ADGRV1: variants seen among roughly 807,000 people sequenced by gnomAD.
ADGRV1 encodes adhesion G protein-coupled receptor V1.
Under a neutral mutation model 596.2 loss-of-function variants are expected in ADGRV1, and 359 were observed. The ratio of observed to expected loss-of-function variants is 0.60; its 90% CI spans 0.55 to 0.66. The LOEUF is 0.66. Ranked by LOEUF, ADGRV1 falls within the 30% of genes least tolerant of loss-of-function variation. The pLI is 0.00. For missense variants in ADGRV1, 7,274 were observed against 7,575.6 expected (o/e 0.96, Z 1.48); for synonymous variants, 2,681 against 2,679.2 (o/e 1.00, Z -0.02).
chr5:90,835,621 C>T (rs923284929), intron 77 of ADGRV1, among the ~76,000 whole-genome samples: 1 of 152,076 alleles, frequency 6.6e-6, no homozygotes, highest in Non-Finnish European at 1.5e-5. Context: ...AGAAAAGTAC[C>T]TTATCTTTAG....
At chr5:90,637,686 A>C (rs562236692) in intron 10 of ADGRV1, 39 bp from the exon 11 acceptor site, 62 of 1,398,240 alleles carry the variant, frequency 4.4e-5, no homozygotes, top group Non-Finnish European at 5.6e-5. Flanking sequence ...CTGAACATAT[A>C]TTTTAGAAGA....
chr5:90,919,776 C>T (rs1189511644), intron 83 of ADGRV1, among the ~76,000 whole-genome samples: 3 of 151,994 alleles, frequency 2.0e-5, no homozygotes, highest in Admixed American at 6.6e-5. Flanking sequence ...GGGCGGATCA[C>T]CTGAGGTCAG....
chr5:91,072,376 G>A (rs1302437640), intron 85 of ADGRV1, 71 bp from the exon 86 acceptor site: 2 of 1,298,500 alleles, frequency 1.5e-6, no homozygotes, highest in Non-Finnish European at 1.1e-6. Flanking sequence ...AAGTAGTGAT[G>A]TGATACATTC....
chr5:90,883,628 C>T (rs1581413519), intron 83 of ADGRV1, among the ~76,000 whole-genome samples: 1 of 152,142 alleles, frequency 6.6e-6, no homozygotes, highest in Non-Finnish European at 1.5e-5. Context: ...GACTATTCCT[C>T]CTTCTAACTG....
rs1758561764 is a variant in ADGRV1 at position 90,778,977 on chromosome 5, A to T, written c.12962A>T (p.Glu4321Val). ...AGLDFVPAAG[E>V]LLFEAGEMRK... ...TTGGATTTTGTTCCTGCAGCAGGGG[A>T]GCTCCTCTTTGAAGCAGGGGAGATG... Residue 4321 changes from glutamate to valine, a missense_variant, in exon 64 of 90, where the codon GAG becomes GTG. By Grantham distance (121) the Glu-to-Val change is moderately radical (BLOSUM62 -2). Coordinates refer to ENST00000405460, the MANE Select transcript of ADGRV1 (RefSeq NM_032119.4). The T allele has an allele frequency of 6.2e-7, 1 of 1,613,328 alleles. No homozygotes were observed. Among genetic ancestry groups the T allele is most frequent in the Non-Finnish European group, 8.5e-7 (1 of 1,179,546 alleles).
At chr5:90,821,363 G>A (rs1410289904) in intron 75 of ADGRV1, among the ~76,000 whole-genome samples, 4 of 151,062 alleles carry the variant, frequency 2.6e-5, no homozygotes, top group Middle Eastern at 3.5e-3. Context: ...TGGTTTGAAT[G>A]TCCTCCCGTA....
chr5:90,729,870 ATTTT>A, intron 50 of ADGRV1, 106 bp downstream of exon 50: 2 of 933,658 alleles, frequency 2.1e-6, no homozygotes, highest in Admixed American at 2.8e-5. Flanking sequence ...GACACTGGGT[ATTTT>A]TTTTTTTTTG....
chr5:90,780,531 CTTTG>C (rs1401479709), intron 64 of ADGRV1, among the ~76,000 whole-genome samples: 1 of 152,002 alleles, frequency 6.6e-6, no homozygotes, highest in Non-Finnish European at 1.5e-5. Flanking sequence ...GAAGTTGAAG[CTTTG>C]TTTGATGGGA....
intron 86 of ADGRV1, among the ~76,000 whole-genome samples, chr5:91,073,773 C>T (rs1032882779): frequency 6.6e-6 from 1 of 152,186 alleles, no homozygotes; most frequent in Non-Finnish European, 1.5e-5. Flanking sequence ...TCTTGGCTCA[C>T]GGCAGCCTCT....
chr5:91,073,678 A>G (rs1234100429), intron 86 of ADGRV1, among the ~76,000 whole-genome samples: 1 of 152,166 alleles, frequency 6.6e-6, no homozygotes, highest in Non-Finnish European at 1.5e-5. Flanking sequence ...CTCATTTAGC[A>G]TGCAATCATT....
chr5:91,111,467 C>T (rs1792364722), intron 87 of ADGRV1, among the ~76,000 whole-genome samples: 1 of 152,180 alleles, frequency 6.6e-6, no homozygotes, highest in Admixed American at 6.6e-5. Context: ...AATCCCCCTT[C>T]AATTCCCACT....
intron 83 of ADGRV1, among the ~76,000 whole-genome samples, chr5:90,885,840 G>A (rs933615596): frequency 2.0e-5 from 3 of 151,900 alleles, no homozygotes; most frequent in Non-Finnish European, 2.9e-5. Context: ...CGGGTCTTGA[G>A]GCTACTGCAT....
chr5:91,036,419 G>A lies in ADGRV1; in HGVS notation c.18153-36028G>A, dbSNP rs553633405. 4.5e-4 allele frequency among the ~76,000 whole-genome samples: 69 copies of A among 152,144 alleles called. No homozygotes were observed. In the South Asian group the frequency reaches 8.7e-3, roughly 19 times the overall value. On this transcript the variant is annotated intron_variant, in intron 85 of 89. Coordinates refer to ENST00000405460, the MANE Select transcript of ADGRV1 (RefSeq NM_032119.4). ...CTAAAAATACAAAAAAAAATTAGCC[G>A]GGCGTGGTGGCGGGCACCTGTAGTC... is the stretch of plus-strand genomic sequence containing the variant.
chr5:90,569,354 GATATATATATATAT>G (rs1185532852), intron 1 of ADGRV1, among the ~76,000 whole-genome samples: 363 of 12,774 alleles, frequency 0.028, 28 homozygotes, highest in Middle Eastern at 0.083. Flanking sequence ...CTGTTTGCAT[GATATATATATATAT>G]ATATATATAT....
At chr5:90,713,949 C>T (rs1251670675) in intron 42 of ADGRV1, among the ~76,000 whole-genome samples, 1 of 152,100 alleles carries the variant, frequency 6.6e-6, no homozygotes, top group Non-Finnish European at 1.5e-5. Flanking sequence ...AAACCATGCC[C>T]CATTGATTGA....
chr5:90,748,534 G>T (rs1754882245), intron 52 of ADGRV1, among the ~76,000 whole-genome samples: 1 of 152,068 alleles, frequency 6.6e-6, no homozygotes, highest in Non-Finnish European at 1.5e-5. Flanking sequence ...ATTTCAACTG[G>T]TCAATAGCCA....
chr5:91,076,664 T>C (rs185776098), intron 86 of ADGRV1, among the ~76,000 whole-genome samples: 5 of 152,182 alleles, frequency 3.3e-5, no homozygotes, highest in South Asian at 2.1e-4. Context: ...TCAAAAGTTA[T>C]TATTATTAGG....
intron 59 of ADGRV1, among the ~76,000 whole-genome samples, chr5:90,764,803 A>G (rs1374423640): frequency 6.6e-6 from 1 of 152,172 alleles, no homozygotes; most frequent in Non-Finnish European, 1.5e-5. Flanking sequence ...CAGTGGCACT[A>G]TGGGTACACA....
intron 87 of ADGRV1, among the ~76,000 whole-genome samples, chr5:91,125,263 G>A (rs1269592404): frequency 1.3e-5 from 2 of 152,214 alleles, no homozygotes; most frequent in Non-Finnish European, 2.9e-5. Context: ...TTTAAACTCT[G>A]CTGCTGACAT....
Sources: gnomAD v4.1 joint callset for allele counts (sites outside exome capture counted in the v4.1 genomes callset) on GRCh38, gnomAD v4.1.1 for gene constraint, MANE v1.5 for transcripts, NCBI Gene and HGNC (gene_info 2026-07-23, HGNC 2026-07-21) for gene names.